CCDC6: variants seen among roughly 807,000 people sequenced by gnomAD.
CCDC6 encodes coiled-coil domain-containing protein 6.
In CCDC6, 20 loss-of-function variants were observed where a neutral mutation model predicts 56.6. That is an observed-to-expected ratio of 0.35 (90% CI 0.25 to 0.51). The LOEUF is 0.51. Among genes scored for constraint, CCDC6 ranks in the 20% least tolerant of loss-of-function variants. CCDC6 has a pLI of 0.95. For synonymous variants in CCDC6, 241 were observed against 234.4 expected (o/e 1.03, Z -0.26); for missense variants, 367 against 601.1 (o/e 0.61, Z 4.07).
chr10:59,800,612 G>GTT (rs34676439), intron 7 of CCDC6, among the ~76,000 whole-genome samples: 13,702 of 145,116 alleles, frequency 0.094, 1,048 homozygotes, highest in African/African-American at 0.21. Flanking sequence ...TTGTATTAAA[G>GTT]TTTTTTTTTT....
At chr10:59,827,326 G>A (rs532419550) in intron 3 of CCDC6, among the ~76,000 whole-genome samples, 5 of 152,302 alleles carry the variant, frequency 3.3e-5, no homozygotes, top group Admixed American at 6.5e-5. Context: ...TGTAAGTACC[G>A]TTTTATGAAA....
intron 1 of CCDC6, among the ~76,000 whole-genome samples, chr10:59,898,041 C>T (rs1438897406): frequency 2.6e-5 from 4 of 152,194 alleles, no homozygotes; most frequent in African/African-American, 9.7e-5. Flanking sequence ...ATCAGCACTG[C>T]TTTTGTAAAA....
Position 59,906,446 on chromosome 10 carries a change from G to T in CCDC6, c.-22C>A. On this transcript the variant is annotated 5_prime_UTR_variant, in exon 1 of 9. Coordinates refer to ENST00000263102, the MANE Select transcript of CCDC6 (RefSeq NM_005436.5). ...CCATGGCCGCGGCGGGCTGGGGAAA[G>T]GAGGAGGAGCAGCAGGGAGGCGGCG... 1 of 1,491,582 alleles carries T rather than the reference G, an allele frequency of 6.7e-7. No individual in the cohort carries two copies. The highest frequency in any genetic ancestry group is 2.5e-5 in the East Asian group (1 of 39,756). The allele number at this position is 1,491,582 out of a possible 1,614,324, so 92.4% of individuals were successfully genotyped here.
chr10:59,895,956 C>T (rs2071459511), intron 1 of CCDC6, among the ~76,000 whole-genome samples: 1 of 152,190 alleles, frequency 6.6e-6, no homozygotes, highest in African/African-American at 2.4e-5. Flanking sequence ...AATTCTGCAG[C>T]CCAAGGCTTG....
intron 1 of CCDC6, among the ~76,000 whole-genome samples, chr10:59,890,345 G>A (rs2071412699): frequency 6.6e-6 from 1 of 152,234 alleles, no homozygotes; most frequent in Admixed American, 6.5e-5. Context: ...TGAGGAAGAA[G>A]TGGAGGCACC....
Position 59,816,723 on chromosome 10 carries a change from G to A in CCDC6, c.583-1968C>T, listed in dbSNP as rs542991960. On this transcript the variant is annotated intron_variant, in intron 3 of 8. Transcript: ENST00000263102. ...TGATAATCACTATATCTGGATATCC[G>A]TTCTATTTCTGTTCCAGCCCTCCAC... 8.5e-5 allele frequency among the ~76,000 whole-genome samples: 13 copies of A among 152,254 alleles called. 1 individual carries two copies. Among genetic ancestry groups the A allele is most frequent in the South Asian group, 2.1e-4 (1 of 4,818 alleles).
intron 7 of CCDC6, among the ~76,000 whole-genome samples, chr10:59,797,762 T>C (rs898938811): frequency 3.3e-5 from 5 of 151,380 alleles, no homozygotes; most frequent in Non-Finnish European, 7.4e-5. Flanking sequence ...CTTGAGAATA[T>C]TCAATACAAG....
chr10:59,865,852 C>CAAAAAAAAAAAAAAAAAAAAAAAAAAAA (rs777021321), intron 1 of CCDC6, among the ~76,000 whole-genome samples: 4 of 57,038 alleles, frequency 7.0e-5, no homozygotes, highest in African/African-American at 2.9e-4. Flanking sequence ...TCCATCTCCA[C>CAAAAAAAAAAAAAAAAAAAAAAAAAAAA]AAAAAAAAAA....
At chr10:59,808,394 G>A (rs1336197051) in intron 5 of CCDC6, among the ~76,000 whole-genome samples, 4 of 152,154 alleles carry the variant, frequency 2.6e-5, no homozygotes, top group Admixed American at 1.3e-4. Flanking sequence ...AGAAAAACAC[G>A]TCTTCCTTCC....
intron 7 of CCDC6, among the ~76,000 whole-genome samples, chr10:59,797,058 A>G (rs2132621610): frequency 6.6e-6 from 1 of 152,300 alleles, no homozygotes; most frequent in East Asian, 1.9e-4. Context: ...TAGACATATA[A>G]AGGAATATTC....
rs561381876 is a variant in CCDC6, at chr10:59,840,368, G to T, written c.454-7715C>A. Among the ~76,000 whole-genome samples, 9 of 152,132 alleles carry T rather than the reference G, an allele frequency of 5.9e-5. No individual in the cohort carries two copies. In the East Asian group the frequency reaches 1.2e-3, roughly 20 times the overall value. On this transcript the variant is annotated intron_variant, in intron 2 of 8. Coordinates refer to ENST00000263102, the MANE Select transcript of CCDC6 (RefSeq NM_005436.5). ...AAATCATTTGCCATTTTTCCTCTGG[G>T]TTGTTTGCTTTCTTACTGATTTATA...
chr10:59,809,030 G>A (rs2070651186), intron 5 of CCDC6, among the ~76,000 whole-genome samples: 1 of 152,080 alleles, frequency 6.6e-6, no homozygotes, highest in Admixed American at 6.5e-5. Flanking sequence ...AGGCATGCTG[G>A]GAAAATATTT....
At chr10:59,827,946 G>A (rs556865671) in intron 3 of CCDC6, among the ~76,000 whole-genome samples, 21 of 152,228 alleles carry the variant, frequency 1.4e-4, no homozygotes, top group African/African-American at 4.6e-4. Flanking sequence ...CCCACGTACC[G>A]TATGCCACTG....
Position 59,886,104 on chromosome 10 carries a change from AAAG to A in CCDC6, c.303+20015_303+20017del, listed in dbSNP as rs144770769. On this transcript the variant is annotated intron_variant, in intron 1 of 8. Coordinates refer to ENST00000263102, the MANE Select transcript of CCDC6 (RefSeq NM_005436.5). ...TGAACAAAGAAGACCGGCCAATATGAAAGAAGATTACATTTAAGGTCTGCAGCT... is the reference window on the plus strand; with the variant it reads ...TGAACAAAGAAGACCGGCCAATATGAAAGATTACATTTAAGGTCTGCAGCT... Among the ~76,000 whole-genome samples the A allele has an allele frequency of 4.6e-4, 70 of 152,336 alleles. No homozygotes were observed. The East Asian group carries it at 0.013, about 28-fold the overall frequency.
At chr10:59,894,184 A>T (rs911528850) in intron 1 of CCDC6, among the ~76,000 whole-genome samples, 1 of 152,236 alleles carries the variant, frequency 6.6e-6, no homozygotes, top group African/African-American at 2.4e-5. Context: ...GAGTAGCCAG[A>T]GTGGATTTCC....
intron 7 of CCDC6, among the ~76,000 whole-genome samples, chr10:59,798,484 A>G (rs746366919): frequency 6.6e-6 from 1 of 152,148 alleles, no homozygotes; most frequent in Non-Finnish European, 1.5e-5. Flanking sequence ...TCCATTTCCA[A>G]TTGTGGAGTT....
chr10:59,851,006 C>T (rs890997839), intron 2 of CCDC6, among the ~76,000 whole-genome samples: 3 of 151,200 alleles, frequency 2.0e-5, no homozygotes, highest in Non-Finnish European at 4.4e-5. Context: ...GAACGAGAGG[C>T]CAATTACAGA....
intron 2 of CCDC6, among the ~76,000 whole-genome samples, chr10:59,847,209 C>A (rs10994051): frequency 0.51 from 77,771 of 151,846 alleles, 21,613 homozygotes; most frequent in African/African-American, 0.74. Context: ...CCTGCCACCA[C>A]GCCGGGCTGA....
intron 3 of CCDC6, among the ~76,000 whole-genome samples, chr10:59,816,033 C>T (rs1029711555): frequency 6.6e-5 from 10 of 152,260 alleles, no homozygotes; most frequent in South Asian, 4.2e-4. Flanking sequence ...TCTCAACCTC[C>T]CGAGATGGTT....
Sources: allele counts gnomAD v4.1 joint callset (sites outside exome capture counted in the v4.1 genomes callset), GRCh38; gene constraint gnomAD v4.1.1; transcripts MANE v1.5; gene names NCBI Gene and HGNC (gene_info 2026-07-23, HGNC 2026-07-21).